SPTLC2: variants seen among roughly 807,000 people sequenced by gnomAD.
The protein encoded by SPTLC2 is serine palmitoyltransferase long chain base subunit 2.
SPTLC2 carries 21 observed loss-of-function variants against 62.0 expected under a neutral mutation model. That is an observed-to-expected ratio of 0.34 (90% CI 0.24 to 0.49). The LOEUF (loss-of-function observed/expected upper bound fraction) is 0.49, where lower values mean the gene tolerates loss of function less well. Ranked by LOEUF, SPTLC2 falls within the 20% of genes least tolerant of loss-of-function variation. The probability of loss-of-function intolerance (pLI) is 0.99; values close to 1 mark genes in which losing one functional copy is unlikely to be tolerated. For missense variants in SPTLC2, 511 were observed against 713.0 expected (o/e 0.72, Z 3.23); for synonymous variants, 261 against 261.8 (o/e 1.00, Z 0.03).
intron 9 of SPTLC2, among the ~76,000 whole-genome samples, chr14:77,541,689 C>A (rs1443774799): frequency 1.3e-5 from 2 of 152,180 alleles, no homozygotes; most frequent in Non-Finnish European, 2.9e-5. Context: ...ACTTTAAACT[C>A]TTGTCACACT....
intron 10 of SPTLC2, 103 bp from the exon 11 acceptor site, chr14:77,518,270 A>T (rs2079368609): frequency 2.0e-6 from 3 of 1,535,112 alleles, no homozygotes; most frequent in African/African-American, 2.7e-5. Flanking sequence ...TGATGCAGGC[A>T]TTGGAGACTT....
intron 9 of SPTLC2, among the ~76,000 whole-genome samples, chr14:77,529,436 C>T (rs984294420): frequency 6.6e-6 from 1 of 151,550 alleles, no homozygotes; most frequent in Admixed American, 6.6e-5. Context: ...ACCTCTTACA[C>T]AAGTGTTTAT....
intron 9 of SPTLC2, among the ~76,000 whole-genome samples, chr14:77,532,688 G>C (rs900794513): frequency 3.0e-4 from 46 of 152,154 alleles, no homozygotes; most frequent in African/African-American, 1.0e-3. Context: ...GGAGGCTGAG[G>C]CAGGAGAATG....
rs775696825 is a variant in SPTLC2, at chr14:77,597,387, G to C, written c.133-7C>G. ...TTTGTGTAACATGATGGATCTAAAAGAGAGGTTAAAAATGTTTATTTCCAT... is the reference window on the plus strand; with the variant it reads ...TTTGTGTAACATGATGGATCTAAAACAGAGGTTAAAAATGTTTATTTCCAT... On this transcript the variant is annotated splice_polypyrimidine_tract_variant and splice_region_variant and intron_variant, in intron 1 of 11. Coordinates refer to ENST00000216484, the MANE Select transcript of SPTLC2 (RefSeq NM_004863.4). 17 of 1,611,972 alleles carry C rather than the reference G, an allele frequency of 1.1e-5. No individual in the cohort carries two copies. The highest frequency in any genetic ancestry group is 1.4e-5 in the Non-Finnish European group (16 of 1,178,070).
intron 9 of SPTLC2, among the ~76,000 whole-genome samples, chr14:77,542,535 C>T (rs181092201): frequency 8.5e-5 from 13 of 152,250 alleles, no homozygotes; most frequent in East Asian, 7.7e-4. Context: ...AGCAAAGCAA[C>T]GGGAACTAGG....
At chr14:77,555,847 G>A (rs1040222055) in intron 7 of SPTLC2, among the ~76,000 whole-genome samples, 4 of 151,980 alleles carry the variant, frequency 2.6e-5, no homozygotes, top group African/African-American at 9.7e-5. Flanking sequence ...TCGAACTCCT[G>A]GCCTCAAGTG....
At chr14:77,555,575 C>G in intron 7 of SPTLC2, 56 bp from the exon 8 acceptor site, 1 of 1,538,336 alleles carries the variant, frequency 6.5e-7, no homozygotes, top group Non-Finnish European at 8.9e-7. Flanking sequence ...CTTTTTAAAT[C>G]AAAATTGGGA....
chr14:77,530,898 C>T (rs763573118), intron 9 of SPTLC2, among the ~76,000 whole-genome samples: 1 of 152,192 alleles, frequency 6.6e-6, no homozygotes, highest in Non-Finnish European at 1.5e-5. Flanking sequence ...AAGTGAGTAA[C>T]TTTGTTGCAT....
chr14:77,539,825 T>G (rs1449612369), intron 9 of SPTLC2, among the ~76,000 whole-genome samples: 13 of 151,400 alleles, frequency 8.6e-5, no homozygotes, highest in Non-Finnish European at 1.3e-4. Context: ...GTTATTTTTT[T>G]GTAGCTGGCA....
At position 77,509,874 on chromosome 14, in the gene SPTLC2, A is replaced by G; in HGVS notation, c.*2410T>C. 1 of 398,468 alleles carries G rather than the reference A, an allele frequency of 2.5e-6. No individual in the cohort carries two copies. Among genetic ancestry groups the G allele is most frequent in the Non-Finnish European group, 4.4e-6 (1 of 225,978 alleles). The allele number at this position is 398,468 out of a possible 1,614,324, so 24.7% of individuals were successfully genotyped here. A position where few individuals can be genotyped will look rare whatever the true frequency, so the allele number is the denominator to read the frequency against. ...TACACTTATCTTGAAATAACTTTGT[A>G]CCAACAAAGTGATATAGATATATTT... On this transcript the variant is annotated 3_prime_UTR_variant, in exon 12 of 12. Coordinates refer to ENST00000216484, the MANE Select transcript of SPTLC2 (RefSeq NM_004863.4).
At chr14:77,597,409 C>T in intron 1 of SPTLC2, 29 bp from the exon 2 acceptor site, 5 of 1,590,822 alleles carry the variant, frequency 3.1e-6, no homozygotes, top group Non-Finnish European at 4.3e-6. Flanking sequence ...ATGTTTATTT[C>T]CATCATGGCA....
intron 5 of SPTLC2, among the ~76,000 whole-genome samples, chr14:77,567,039 C>T (rs2079649223): frequency 6.6e-6 from 1 of 152,032 alleles, no homozygotes; most frequent in South Asian, 2.1e-4. Context: ...GGCCCGATCT[C>T]GGCTCACTGC....
At position 77,517,464 on chromosome 14, in the gene SPTLC2, C is replaced by T. The variant is rs144223073; in HGVS notation, c.1569+574G>A. ...TAATTAAGCTTAGTAATAATGATCC[C>T]CAACTAGATGCCTGGCAGTGTGGTG... On this transcript the variant is annotated intron_variant, in intron 11 of 11. Transcript: ENST00000216484. Among the ~76,000 whole-genome samples, 1,292 of 152,102 alleles carry T rather than the reference C, an allele frequency of 8.5e-3. 20 individuals carry two copies. The highest frequency in any genetic ancestry group is 0.03 in the African/African-American group (1,247 of 41,468).
At chr14:77,553,910 G>T (rs886082154) in intron 8 of SPTLC2, among the ~76,000 whole-genome samples, 1 of 151,482 alleles carries the variant, frequency 6.6e-6, no homozygotes, top group Admixed American at 6.6e-5. Flanking sequence ...GATCTCCCAG[G>T]CTCAAGCAAT....
intron 4 of SPTLC2, among the ~76,000 whole-genome samples, chr14:77,576,354 G>A (rs373531216): frequency 7.2e-5 from 11 of 152,096 alleles, no homozygotes; most frequent in South Asian, 2.1e-4. Context: ...ATTAGCTTAC[G>A]TAATTCTTAA....
intron 4 of SPTLC2, among the ~76,000 whole-genome samples, chr14:77,570,889 A>G (rs2079678194): frequency 9.4e-6 from 1 of 106,822 alleles, no homozygotes; most frequent in South Asian, 2.9e-4. Context: ...TTGCAAAAAC[A>G]GAACATGGGC....
At chr14:77,543,066 T>C (rs1206062778) in intron 9 of SPTLC2, among the ~76,000 whole-genome samples, 3 of 152,342 alleles carry the variant, frequency 2.0e-5, no homozygotes, top group Non-Finnish European at 4.4e-5. Flanking sequence ...TTGTTTGTTT[T>C]TGAGACCAAG....
chr14:77,528,350 G>C (rs972284464), intron 9 of SPTLC2, among the ~76,000 whole-genome samples: 2 of 152,040 alleles, frequency 1.3e-5, no homozygotes, highest in Non-Finnish European at 2.9e-5. Context: ...TCCTGACTCA[G>C]CCTCCCGAGT....
Position 77,545,336 on chromosome 14 carries a change from G to A in SPTLC2, c.1303+6760C>T, listed in dbSNP as rs201666818. ...GGCTGCAGTGCAATGGCGTGATCTC[G>A]GCTCCCTGCAATCTCCACCTCCCAG... On this transcript the variant is annotated intron_variant, in intron 9 of 11. Coordinates refer to ENST00000216484, the MANE Select transcript of SPTLC2 (RefSeq NM_004863.4). 7.9e-5 allele frequency among the ~76,000 whole-genome samples: 12 copies of A among 150,970 alleles called. No homozygotes were observed. The East Asian group carries it at 2.1e-3, about 27-fold the overall frequency.
Sources: gnomAD v4.1 joint callset for allele counts (sites outside exome capture counted in the v4.1 genomes callset) on GRCh38, gnomAD v4.1.1 for gene constraint, MANE v1.5 for transcripts, NCBI Gene and HGNC (gene_info 2026-07-23, HGNC 2026-07-21) for gene names.